Variants in SIL1 observed in about 807,000 individuals in gnomAD.
The protein encoded by SIL1 is nucleotide exchange factor SIL1.
SIL1 carries 40 observed loss-of-function variants against 49.1 expected under a neutral mutation model. That is an observed-to-expected ratio of 0.81 (90% CI 0.63 to 1.06). SIL1 has a LOEUF of 1.06. Ranked by LOEUF, SIL1 falls within the 50% of genes least tolerant of loss-of-function variation. SIL1 has a pLI of 0.00. For missense variants in SIL1, 500 were observed against 572.6 expected (o/e 0.87, Z 1.29); for synonymous variants, 253 against 250.8 (o/e 1.01, Z -0.08).
Position 139,058,819 on chromosome 5 carries a change from C to T in SIL1, c.245-7773G>A, listed in dbSNP as rs147410497. Among the ~76,000 whole-genome samples, 291 of 152,196 alleles carry T rather than the reference C, an allele frequency of 1.9e-3. 1 individual carries two copies. The highest frequency in any genetic ancestry group is 4.6e-3 in the African/African-American group (189 of 41,534). On this transcript the variant is annotated intron_variant, in intron 3 of 9. Coordinates refer to ENST00000394817, the MANE Select transcript of SIL1 (RefSeq NM_022464.5). ...CAGCCCTGGAATCAGCCACTTCTAA[C>T]GAGCCCTAGTTTTTTTTCTTTTTCT...
At chr5:138,988,787 C>G (rs929714539) in intron 7 of SIL1, among the ~76,000 whole-genome samples, 1 of 152,120 alleles carries the variant, frequency 6.6e-6, no homozygotes, top group South Asian at 2.1e-4. Flanking sequence ...GCAGGAGGAT[C>G]GCTTGAGCCC....
intron 7 of SIL1, among the ~76,000 whole-genome samples, chr5:139,019,143 G>A (rs77024615): frequency 0.013 from 1,983 of 152,342 alleles, 41 homozygotes; most frequent in African/African-American, 0.045. Flanking sequence ...TCTTGATAAA[G>A]AGCAAGCTCA....
At chr5:139,189,349 T>C (rs887165293) in intron 1 of SIL1, among the ~76,000 whole-genome samples, 2 of 152,128 alleles carry the variant, frequency 1.3e-5, no homozygotes, top group Non-Finnish European at 2.9e-5. Context: ...ACAAACTCTA[T>C]TGTGAACTGT....
intron 1 of SIL1, among the ~76,000 whole-genome samples, chr5:139,174,741 C>G (rs2151816924): frequency 6.6e-6 from 1 of 151,670 alleles, no homozygotes; most frequent in East Asian, 1.9e-4. Context: ...AGTTCAAGAC[C>G]AGCCTGGCCA....
At chr5:138,979,069 A>AT (rs201176716) in intron 7 of SIL1, among the ~76,000 whole-genome samples, 30 of 147,656 alleles carry the variant, frequency 2.0e-4, no homozygotes, top group African/African-American at 7.7e-4. Context: ...ATTTAATTTT[A>AT]TTTTATTTTT....
intron 1 of SIL1, among the ~76,000 whole-genome samples, chr5:139,135,653 T>A (rs1040179727): frequency 2.0e-5 from 3 of 150,642 alleles, no homozygotes; most frequent in African/African-American, 7.4e-5. Context: ...ACCTACTCCA[T>A]TCCCACTCCA....
intron 7 of SIL1, among the ~76,000 whole-genome samples, chr5:139,017,441 A>G (rs188378890): frequency 1.8e-4 from 27 of 152,214 alleles, no homozygotes; most frequent in Admixed American, 3.3e-4. Context: ...CAGTTCCATG[A>G]CATCCTGCAA....
chr5:139,100,514 G>A (rs972736533), intron 3 of SIL1, among the ~76,000 whole-genome samples: 4 of 152,224 alleles, frequency 2.6e-5, no homozygotes, highest in Non-Finnish European at 5.9e-5. Flanking sequence ...ATATTTCTAA[G>A]CACAGGAAGG....
intron 3 of SIL1, among the ~76,000 whole-genome samples, chr5:139,056,195 T>C (rs1302685044): frequency 1.3e-5 from 2 of 150,202 alleles, no homozygotes; most frequent in African/African-American, 2.5e-5. Flanking sequence ...GGAGCGTCTC[T>C]GCCCGGCCGC....
At position 138,947,400 on chromosome 5, in the gene SIL1, T is replaced by C. The variant is rs904855672; in HGVS notation, c.1103A>G (p.His368Arg). 1.9e-6 allele frequency: 3 copies of C among 1,613,268 alleles called. No homozygotes were observed. In the African/African-American group the frequency reaches 4.0e-5, roughly 22 times the overall value. The change falls in exon 10 of 10, where the codon CAC (histidine) becomes CGC (arginine). Residue 368 changes from histidine to arginine, a missense_variant. Physicochemically the swap from His to Arg is conservative, Grantham distance 29. Transcript: ENST00000394817. The surrounding 1 kb of genome is among the most constrained non-coding windows in gnomAD (Gnocchi z 4.1). The part of the protein sequence containing the change: ...PEKLQQYRQV[H>R]LLPGLWEQGW... ...CTGTTCCCACAGGCCTGGCAGGAGG[T>C]GTACCTGGCGATACTGCTGCAGCTT...
chr5:138,997,346 C>T (rs574720204), intron 7 of SIL1, among the ~76,000 whole-genome samples: 7 of 152,230 alleles, frequency 4.6e-5, no homozygotes, highest in African/African-American at 1.4e-4. Context: ...CATTCTTCTG[C>T]GTATGGTTAT....
At chr5:139,095,239 A>G (rs1770429568) in intron 3 of SIL1, among the ~76,000 whole-genome samples, 1 of 150,474 alleles carries the variant, frequency 6.6e-6, no homozygotes, top group East Asian at 1.9e-4. Flanking sequence ...AGGGGGGAGT[A>G]TCTATATATA....
At chr5:138,976,820 G>A (rs886698566) in intron 7 of SIL1, among the ~76,000 whole-genome samples, 1 of 151,902 alleles carries the variant, frequency 6.6e-6, no homozygotes, top group African/African-American at 2.4e-5. Flanking sequence ...CTTAAATAGA[G>A]GAAACAATAT....
At chr5:139,114,978 A>G (rs1468343634) in intron 3 of SIL1, among the ~76,000 whole-genome samples, 1 of 152,212 alleles carries the variant, frequency 6.6e-6, no homozygotes, top group Non-Finnish European at 1.5e-5. Flanking sequence ...GCAGGGGCTT[A>G]GGCATGAAGT....
At chr5:139,087,503 C>T (rs1036708471) in intron 3 of SIL1, among the ~76,000 whole-genome samples, 1 of 152,082 alleles carries the variant, frequency 6.6e-6, no homozygotes, top group Admixed American at 6.5e-5. Context: ...TATGATGATG[C>T]CACTGCACCC....
intron 3 of SIL1, among the ~76,000 whole-genome samples, chr5:139,115,431 C>T (rs1444856146): frequency 1.3e-5 from 2 of 152,034 alleles, no homozygotes; most frequent in Non-Finnish European, 2.9e-5. Flanking sequence ...AGGCTGGTTG[C>T]CAGAAAGACC....
rs187272722 is a variant in SIL1 at position 138,965,859 on chromosome 5, G to A, written c.768-13975C>T. 2.3e-3 allele frequency among the ~76,000 whole-genome samples: 344 copies of A among 151,818 alleles called. 1 individual carries two copies. Among genetic ancestry groups the A allele is most frequent in the African/African-American group, 7.8e-3 (322 of 41,420 alleles). On this transcript the variant is annotated intron_variant, in intron 7 of 9. Transcript: ENST00000394817. ...AGGTCCAGGTTCCGGGACCATGAGA[G>A]TGCTTTATTGACCTTTATATCTTCC...
At chr5:139,067,639 A>C (rs902752580) in intron 3 of SIL1, among the ~76,000 whole-genome samples, 6 of 152,268 alleles carry the variant, frequency 3.9e-5, no homozygotes, top group Non-Finnish European at 7.3e-5. Flanking sequence ...AGTTTCTTAG[A>C]GAAAACTGTA....
chr5:139,195,046 C>T (rs1752239750), intron 1 of SIL1, among the ~76,000 whole-genome samples: 1 of 151,870 alleles, frequency 6.6e-6, no homozygotes. Flanking sequence ...GATTCTCCTG[C>T]CTCAGCCTCC....
Sources: allele counts gnomAD v4.1 joint callset (sites outside exome capture counted in the v4.1 genomes callset), GRCh38; gene constraint gnomAD v4.1.1; non-coding constraint Gnocchi (gnomAD v3.1); transcripts MANE v1.5; gene names NCBI Gene and HGNC (gene_info 2026-07-23, HGNC 2026-07-21).